Variants in C10orf90 observed in about 807,000 individuals in gnomAD.
The protein encoded by C10orf90 is chromosome 10 open reading frame 90.
Under a neutral mutation model 62.5 loss-of-function variants are expected in C10orf90, and 56 were observed. The ratio of observed to expected loss-of-function variants is 0.90; its 90% CI spans 0.72 to 1.12. C10orf90 has a LOEUF of 1.12. Among genes scored for constraint, C10orf90 ranks in the 50% most tolerant of loss-of-function variants. The pLI is 0.00. For missense variants in C10orf90, 970 were observed against 880.4 expected (o/e 1.10, Z -1.29); for synonymous variants, 386 against 340.4 (o/e 1.13, Z -1.47).
intron 3 of C10orf90, among the ~76,000 whole-genome samples, chr10:126,508,190 A>T (rs953052932): frequency 1.7e-4 from 26 of 149,792 alleles, no homozygotes; most frequent in Admixed American, 5.3e-4. Context: ...AGAGAGAGAG[A>T]GTGTGTGTGT....
chr10:126,670,430 G>C lies in C10orf90; in HGVS notation c.51C>G (p.Ala17=). 2.2e-6 allele frequency: 1 copy of C among 456,544 alleles called. No homozygotes were observed. Among genetic ancestry groups the C allele is most frequent in the East Asian group, 6.9e-5 (1 of 14,392 alleles). 28.3% of individuals were successfully genotyped at this position (456,544 alleles called of 1,614,324 possible). Residue 17 remains alanine, a synonymous_variant, in exon 1 of 10, where the codon GCC becomes GCG. Coordinates refer to ENST00000488181, the MANE Select transcript of C10orf90 (RefSeq NM_001350921.2). Reference sequence around the variant, plus strand: ...GATGCACGGCCGTTTCTGTGTAGCGGGCAGCATACCCCTGCGGATGAGTTT... The same window carrying C: ...GATGCACGGCCGTTTCTGTGTAGCGCGCAGCATACCCCTGCGGATGAGTTT... ...PTKTHPQGYA[A]RYTETAVHRT...
At chr10:126,486,738 A>T (rs138726033) in intron 4 of C10orf90, among the ~76,000 whole-genome samples, 25 of 152,316 alleles carry the variant, frequency 1.6e-4, no homozygotes, top group African/African-American at 6.0e-4. Context: ...GTGAAACTAG[A>T]ATTAGTGAAG....
At chr10:126,466,341 G>A (rs183129251) in intron 4 of C10orf90, among the ~76,000 whole-genome samples, 25 of 148,366 alleles carry the variant, frequency 1.7e-4, no homozygotes, top group Non-Finnish European at 2.8e-4. Flanking sequence ...GTGAAATCCC[G>A]TCTCTACTAA....
chr10:126,661,581 A>G (rs1846513113), intron 1 of C10orf90, among the ~76,000 whole-genome samples: 1 of 151,996 alleles, frequency 6.6e-6, no homozygotes. Context: ...CCTGATGGAA[A>G]TTGACCAAAA....
chr10:126,611,059 G>A (rs1018782229), intron 2 of C10orf90, among the ~76,000 whole-genome samples: 4 of 152,124 alleles, frequency 2.6e-5, no homozygotes, highest in East Asian at 3.9e-4. Flanking sequence ...TATTCTCGGA[G>A]TTGTTAAACC....
chr10:126,564,773 T>C (rs1452781484), intron 2 of C10orf90, among the ~76,000 whole-genome samples: 2 of 122,662 alleles, frequency 1.6e-5, no homozygotes, highest in Non-Finnish European at 3.2e-5. Flanking sequence ...AATTAAAGAC[T>C]GAAATGAAGA....
At chr10:126,481,889 CT>C (rs1460224907) in intron 4 of C10orf90, among the ~76,000 whole-genome samples, 3 of 152,206 alleles carry the variant, frequency 2.0e-5, no homozygotes, top group African/African-American at 7.2e-5. Context: ...TTCTTCCCAC[CT>C]TTCTGTGTAA....
chr10:126,450,882 A>G (rs540052296), intron 7 of C10orf90, among the ~76,000 whole-genome samples: 2 of 152,316 alleles, frequency 1.3e-5, no homozygotes, highest in South Asian at 4.1e-4. Flanking sequence ...AGCAAAGGAA[A>G]CAATCAACAG....
chr10:126,522,997 A>C (rs544704540), intron 2 of C10orf90: 10 of 152,224 alleles, frequency 6.6e-5, no homozygotes, highest in Non-Finnish European at 1.0e-4. Flanking sequence ...TGGGCTCAGC[A>C]CAGTGCTATC....
intron 2 of C10orf90, among the ~76,000 whole-genome samples, chr10:126,615,544 A>T (rs2133808196): frequency 6.6e-6 from 1 of 152,362 alleles, no homozygotes; most frequent in South Asian, 2.1e-4. Flanking sequence ...CACAATGATC[A>T]CATTCAACTC....
chr10:126,635,128 A>T (rs767789369), intron 2 of C10orf90, among the ~76,000 whole-genome samples: 2 of 152,232 alleles, frequency 1.3e-5, no homozygotes, highest in African/African-American at 4.8e-5. Flanking sequence ...CACACAAGGC[A>T]TTAGTGAACG....
chr10:126,510,051 T>C (rs190789351), intron 3 of C10orf90, among the ~76,000 whole-genome samples: 13 of 152,318 alleles, frequency 8.5e-5, no homozygotes, highest in African/African-American at 3.1e-4. Context: ...CTCTGTCCTC[T>C]GCTCCATGTC....
intron 2 of C10orf90, among the ~76,000 whole-genome samples, chr10:126,565,354 AT>A (rs1379525634): frequency 0.018 from 1,349 of 75,270 alleles, 27 homozygotes; most frequent in Non-Finnish European, 0.028. Flanking sequence ...TATATAATAT[AT>A]AATATATATT....
At chr10:126,595,266 A>G (rs1355647955) in intron 2 of C10orf90, among the ~76,000 whole-genome samples, 1 of 152,146 alleles carries the variant, frequency 6.6e-6, no homozygotes, top group Non-Finnish European at 1.5e-5. Context: ...AAAGTGGGGA[A>G]AAGAAATTCT....
intron 2 of C10orf90, among the ~76,000 whole-genome samples, chr10:126,615,745 A>C (rs1367161075): frequency 1.3e-5 from 2 of 152,204 alleles, no homozygotes; most frequent in African/African-American, 2.4e-5. Context: ...TGCTCAGATC[A>C]TGGTCATACT....
At chr10:126,468,886 T>C (rs1860427209) in intron 4 of C10orf90, among the ~76,000 whole-genome samples, 1 of 152,216 alleles carries the variant, frequency 6.6e-6, no homozygotes, top group South Asian at 2.1e-4. Context: ...TTACCTCCAT[T>C]GGCCAGAAAA....
intron 2 of C10orf90, among the ~76,000 whole-genome samples, chr10:126,641,464 G>A (rs994603946): frequency 2.6e-5 from 4 of 151,882 alleles, no homozygotes; most frequent in African/African-American, 9.7e-5. Context: ...AAAATTCCAC[G>A]CCCCCCGCCA....
intron 2 of C10orf90, among the ~76,000 whole-genome samples, chr10:126,635,949 C>T (rs1390580834): frequency 6.6e-6 from 1 of 152,158 alleles, no homozygotes; most frequent in Non-Finnish European, 1.5e-5. Context: ...CAATATTATT[C>T]AGGAGCTCTC....
At chr10:126,533,602 C>T (rs938543277) in intron 2 of C10orf90, among the ~76,000 whole-genome samples, 21 of 152,122 alleles carry the variant, frequency 1.4e-4, no homozygotes, top group African/African-American at 4.1e-4. Flanking sequence ...CTCTTGGGGA[C>T]GGGAGCCCCC....
Sources: gnomAD v4.1 joint callset for allele counts (sites outside exome capture counted in the v4.1 genomes callset) on GRCh38, gnomAD v4.1.1 for gene constraint, MANE v1.5 for transcripts, NCBI Gene and HGNC (gene_info 2026-07-23, HGNC 2026-07-21) for gene names.